SEC14L3: variants seen among roughly 807,000 people sequenced by gnomAD.
The protein encoded by SEC14L3 is SEC14-like protein 3.
In SEC14L3, 56 loss-of-function variants were observed where a neutral mutation model predicts 57.4. That is an observed-to-expected ratio of 0.97 (90% CI 0.79 to 1.22). The LOEUF (loss-of-function observed/expected upper bound fraction) is 1.22, where lower values mean the gene tolerates loss of function less well. SEC14L3 is among the 50% of genes most tolerant of loss of function. The pLI, the probability that SEC14L3 is intolerant of heterozygous loss-of-function variation, is 0.00. For synonymous variants in SEC14L3, 173 were observed against 194.4 expected (o/e 0.89, Z 0.92); for missense variants, 485 against 511.7 (o/e 0.95, Z 0.50).
chr22:30,454,902 T>C (rs1331683059), downstream of SEC14L3, among the ~76,000 whole-genome samples: 3 of 42,160 alleles, frequency 7.1e-5, no homozygotes, highest in South Asian at 1.2e-3. Flanking sequence ...ATAATAGATA[T>C]ATAATATATT....
In SEC14L3 at chr22:30,461,663, A is replaced by T; in HGVS notation, c.803T>A (p.Met268Lys). The T allele has an allele frequency of 6.2e-7, 1 of 1,611,500 alleles. No individual in the cohort carries two copies. The highest frequency in any genetic ancestry group is 8.5e-7 in the Non-Finnish European group (1 of 1,178,522). Residue 268 changes from methionine (M) to lysine (K), a missense_variant, in exon 10 of 12, where the codon ATG becomes AAG. Transcript: ENST00000215812. ...AGTCTTCACCTGGTCCCGCACGTAC[A>T]TGGACTTGGGGATCTCCCCGCCATA... is the stretch of plus-strand genomic sequence containing the variant. ...INYGGEIPKS[M>K]YVRDQVKTQY...
At chr22:30,454,590 TTATA>T (rs1935052504), downstream of SEC14L3, among the ~76,000 whole-genome samples, 1 of 104,484 alleles carries the variant, frequency 9.6e-6, no homozygotes, top group Non-Finnish European at 1.7e-5. Flanking sequence ...AATAATATTA[TTATA>T]TATAATCTAT....
Position 30,459,994 on chromosome 22 carries a change from G to A in SEC14L3, c.*27C>T. The A allele has an allele frequency of 1.2e-6, 2 of 1,612,502 alleles. No individual in the cohort carries two copies. The highest frequency in any genetic ancestry group is 4.5e-5 in the East Asian group (2 of 44,836). On this transcript the variant is annotated 3_prime_UTR_variant, in exon 12 of 12. Transcript: ENST00000215812. ...ATAAACAGAGAAATCAAAGGGTTAGGAGGTCTCTGAGAAATGAGGGAGCCA... is the reference window on the plus strand; with the variant it reads ...ATAAACAGAGAAATCAAAGGGTTAGAAGGTCTCTGAGAAATGAGGGAGCCA...
At chr22:30,448,418 G>A (rs1238945825) in exon 13 of SEC14L3, 1 of 152,394 alleles carries the variant, frequency 6.6e-6, no homozygotes, top group Non-Finnish European at 1.5e-5. Flanking sequence ...GGGGTCCAGG[G>A]CAGTCCTGCT....
chr22:30,461,169 CTGTA>C lies in SEC14L3; in HGVS notation c.1081+137_1081+140del, dbSNP rs1390074696. 19 of 1,007,068 alleles carry C rather than the reference CTGTA, an allele frequency of 1.9e-5. No homozygotes were observed. In the African/African-American group the frequency reaches 2.4e-4, roughly 13 times the overall value. 62.4% of individuals were successfully genotyped at this position (1,007,068 alleles called of 1,614,324 possible). A position where few individuals can be genotyped will look rare whatever the true frequency, so the allele number is the denominator to read the frequency against. On this transcript the variant is annotated intron_variant, in intron 11 of 11. Transcript: ENST00000215812. Reference sequence around the variant, plus strand: ...TCATGAATATGGACTGAGTGAGTGACTGTATGAATGAATGGTGCTAACCTAGGCT... The same window carrying C: ...TCATGAATATGGACTGAGTGAGTGACTGAATGAATGGTGCTAACCTAGGCT...
intron 1 of SEC14L3, chr22:30,471,106 GA>G (rs1935595004): frequency 2.9e-6 from 1 of 341,174 alleles, no homozygotes; most frequent in African/African-American, 2.2e-5. Flanking sequence ...CCAACATGGT[GA>G]AAACTCATCT....
intron 12 of SEC14L3, among the ~76,000 whole-genome samples, chr22:30,450,858 C>G (rs536769905): frequency 6.6e-6 from 1 of 152,204 alleles, no homozygotes; most frequent in Non-Finnish European, 1.5e-5. Flanking sequence ...GTGGGCTCTT[C>G]CTAGCACACA....
chr22:30,459,710 C>A lies in SEC14L3; in HGVS notation c.*311G>T. 1 of 1,053,040 alleles carries A rather than the reference C, an allele frequency of 9.5e-7. No individual in the cohort carries two copies. Among genetic ancestry groups the A allele is most frequent in the Non-Finnish European group, 1.1e-6 (1 of 870,924 alleles). 65.2% of individuals were successfully genotyped at this position (1,053,040 alleles called of 1,614,324 possible). On this transcript the variant is annotated 3_prime_UTR_variant, in exon 12 of 12. Transcript: ENST00000215812. Reference sequence around the variant, plus strand: ...TACGGAAGGAATTCAAGCATACACACCTGCCTTAGGGTAGGTGAGGACAAA... The same window carrying A: ...TACGGAAGGAATTCAAGCATACACAACTGCCTTAGGGTAGGTGAGGACAAA...
intron 4 of SEC14L3, 75 bp downstream of exon 4, chr22:30,469,944 C>G (rs768332625): frequency 1.7e-6 from 2 of 1,151,126 alleles, no homozygotes; most frequent in East Asian, 4.8e-5. Flanking sequence ...GGCTTGCTGC[C>G]CCTCATTCAT....
chr22:30,468,491 C>G lies in SEC14L3; in HGVS notation c.423+17G>C, dbSNP rs749386710. The G allele has an allele frequency of 3.1e-6, 5 of 1,594,226 alleles. No individual in the cohort carries two copies. The highest frequency in any genetic ancestry group is 4.3e-6 in the Non-Finnish European group (5 of 1,163,738). The stretch of plus-strand genomic sequence containing the variant: ...CACCTGCCCCCAGCCATCCACCCCA[C>G]CTGGCCTGGACCTCACCCTCTCTGT... On this transcript the variant is annotated intron_variant, in intron 5 of 11. Coordinates refer to ENST00000215812, the MANE Select transcript of SEC14L3 (RefSeq NM_174975.5).
intron 6 of SEC14L3, 72 bp downstream of exon 6, chr22:30,466,910 A>T: frequency 7.0e-7 from 1 of 1,435,654 alleles, no homozygotes; most frequent in Non-Finnish European, 9.6e-7. Flanking sequence ...GGCTCTCAGT[A>T]AGCAGCTGGG....
chr22:30,461,876 TC>T, intron 9 of SEC14L3, 182 bp from the exon 10 acceptor site: 1 of 481,232 alleles, frequency 2.1e-6, no homozygotes, highest in Non-Finnish European at 2.7e-6. Flanking sequence ...GAGCTTCCCC[TC>T]CCAGCTCATC....
At chr22:30,457,322 A>G (rs1474217365), downstream of SEC14L3, among the ~76,000 whole-genome samples, 1 of 151,746 alleles carries the variant, frequency 6.6e-6, no homozygotes, top group Non-Finnish European at 1.5e-5. Flanking sequence ...ATAAAATATA[A>G]GATGCATAGG....
chr22:30,465,030 C>T (rs1413052916), intron 7 of SEC14L3, 127 bp from the exon 8 acceptor site: 2 of 1,420,284 alleles, frequency 1.4e-6, no homozygotes, highest in Non-Finnish European at 9.5e-7. Context: ...GTCTGTCCTG[C>T]ACCCAACAAA....
chr22:30,455,181 A>T (rs112586466), downstream of SEC14L3, among the ~76,000 whole-genome samples: 5 of 100,344 alleles, frequency 5.0e-5, no homozygotes, highest in Non-Finnish European at 7.4e-5. Flanking sequence ...ATTATATTTA[A>T]TATTTAATAT....
intron 12 of SEC14L3, among the ~76,000 whole-genome samples, chr22:30,451,989 C>A (rs1934990051): frequency 3.3e-5 from 1 of 30,660 alleles, no homozygotes; most frequent in Admixed American, 5.1e-4. Flanking sequence ...AAGACTCCAT[C>A]TCAAAAAAAA....
At chr22:30,453,693 G>T (rs866339519) in intron 12 of SEC14L3, among the ~76,000 whole-genome samples, 2 of 152,182 alleles carry the variant, frequency 1.3e-5, no homozygotes, top group Non-Finnish European at 2.9e-5. Context: ...GATTACAGGC[G>T]TGAGCCGCCG....
At chr22:30,457,207 G>A (rs960411734), downstream of SEC14L3, among the ~76,000 whole-genome samples, 17 of 151,966 alleles carry the variant, frequency 1.1e-4, no homozygotes, top group Admixed American at 9.8e-4. Flanking sequence ...CCCAAATTGT[G>A]GGTGCTGCCA....
At chr22:30,454,493 T>A (rs1275791952), downstream of SEC14L3, among the ~76,000 whole-genome samples, 9 of 141,456 alleles carry the variant, frequency 6.4e-5, no homozygotes, top group South Asian at 2.1e-4. Flanking sequence ...TATAATAATA[T>A]TATTATATAT....
Sources: gnomAD v4.1 joint callset for allele counts (sites outside exome capture counted in the v4.1 genomes callset) on GRCh38, gnomAD v4.1.1 for gene constraint, MANE v1.5 for transcripts, NCBI Gene and HGNC (gene_info 2026-07-23, HGNC 2026-07-21) for gene names.